Variants in DST observed in about 807,000 individuals in gnomAD.
DST encodes dystonin.
A neutral mutation model predicts 875.2 loss-of-function variants in DST; 253 were observed. The ratio of observed to expected loss-of-function variants is 0.29; its 90% CI spans 0.26 to 0.32. The LOEUF (loss-of-function observed/expected upper bound fraction) is 0.32. Ranked by LOEUF, DST falls within the 10% of genes least tolerant of loss-of-function variation. The pLI is 1.00. For synonymous variants in DST, 3,124 were observed against 3,197.1 expected (o/e 0.98, Z 0.77); for missense variants, 8,287 against 9,111.6 (o/e 0.91, Z 3.68).
At chr6:56,583,258 T>C (rs1394086029) in intron 49 of DST, among the ~76,000 whole-genome samples, 3 of 152,230 alleles carry the variant, frequency 2.0e-5, no homozygotes, top group Non-Finnish European at 2.9e-5. Context: ...CCAGCACCTG[T>C]TGTTTCCTGA....
intron 4 of DST, among the ~76,000 whole-genome samples, chr6:56,789,047 T>C (rs1460850303): frequency 6.6e-6 from 1 of 152,194 alleles, no homozygotes; most frequent in East Asian, 1.9e-4. Context: ...TATTTGTATT[T>C]TATAACCATT....
chr6:56,632,776 G>A (rs1186072103), intron 28 of DST, 78 bp downstream of exon 28: 1 of 1,167,366 alleles, frequency 8.6e-7, no homozygotes, highest in Non-Finnish European at 1.3e-6. Context: ...ACCTAAGATT[G>A]AGATTCCCAT....
chr6:56,470,321 G>C, intron 95 of DST, 39 bp from the exon 96 acceptor site: 2 of 1,513,440 alleles, frequency 1.3e-6, no homozygotes, highest in South Asian at 2.6e-5. Context: ...TGACTTGTTA[G>C]TTCTTTCTCA....
intron 3 of DST, among the ~76,000 whole-genome samples, chr6:56,880,837 C>CTTTTTT (rs765843469): frequency 1.9e-4 from 11 of 58,080 alleles, no homozygotes; most frequent in Non-Finnish European, 2.3e-4. Context: ...TACTGTCTTT[C>CTTTTTT]TTTTTTTTTT....
chr6:56,478,557 T>C (rs747868384), intron 90 of DST, among the ~76,000 whole-genome samples: 10 of 152,212 alleles, frequency 6.6e-5, no homozygotes, highest in Admixed American at 2.0e-4. Context: ...ATCAGAACTA[T>C]ATCCATAGAT....
intron 2 of DST, among the ~76,000 whole-genome samples, chr6:56,918,326 C>T (rs558021734): frequency 7.2e-5 from 11 of 152,104 alleles, no homozygotes; most frequent in Admixed American, 6.5e-4. Context: ...AGGGTTTCGC[C>T]ATGTTGGTCA....
intron 9 of DST, among the ~76,000 whole-genome samples, chr6:56,686,268 A>G (rs2099186449): frequency 6.6e-6 from 1 of 152,240 alleles, no homozygotes; most frequent in South Asian, 2.1e-4. Flanking sequence ...ACAGATACAG[A>G]GACGGAACAA....
At chr6:56,721,578 G>A (rs1300376778) in intron 5 of DST, among the ~76,000 whole-genome samples, 1 of 152,158 alleles carries the variant, frequency 6.6e-6, no homozygotes, top group Non-Finnish European at 1.5e-5. Flanking sequence ...CTCCGTTTGG[G>A]GTCCCTGACT....
chr6:56,566,085 G>A (rs1009265504), intron 55 of DST, among the ~76,000 whole-genome samples: 1 of 152,182 alleles, frequency 6.6e-6, no homozygotes, highest in African/African-American at 2.4e-5. Flanking sequence ...GCAGACTGCT[G>A]TGCTGGCAGT....
intron 3 of DST, among the ~76,000 whole-genome samples, chr6:56,857,886 G>C (rs1768789221): frequency 6.6e-6 from 1 of 152,162 alleles, no homozygotes; most frequent in African/African-American, 2.4e-5. Context: ...CAAATAAATA[G>C]ATGTAGAAGA....
intron 47 of DST, among the ~76,000 whole-genome samples, chr6:56,594,903 C>G (rs1449063844): frequency 2.0e-5 from 3 of 152,198 alleles, no homozygotes; most frequent in African/African-American, 7.2e-5. Context: ...AAATTCAAAT[C>G]CACTCTGAAG....
intron 39 of DST, 28 bp downstream of exon 39, chr6:56,610,399 A>G: frequency 2.7e-6 from 4 of 1,504,216 alleles, no homozygotes; most frequent in Non-Finnish European, 3.6e-6. Context: ...TTCTTGAAAC[A>G]GCCTCATGTT....
intron 74 of DST, 79 bp from the exon 75 acceptor site, chr6:56,508,834 GA>G: frequency 8.6e-7 from 1 of 1,160,182 alleles, no homozygotes; most frequent in Non-Finnish European, 1.2e-6. Flanking sequence ...AGTTCACACA[GA>G]AAGTAGTGAT....
intron 3 of DST, among the ~76,000 whole-genome samples, chr6:56,879,529 A>AATTATAGTT (rs1781095849): frequency 6.6e-6 from 1 of 152,176 alleles, no homozygotes. Flanking sequence ...TAGGTTTATT[A>AATTATAGTT]ATTATAGTTA....
At chr6:56,470,559 A>G (rs2094833812) in intron 95 of DST, among the ~76,000 whole-genome samples, 1 of 152,160 alleles carries the variant, frequency 6.6e-6, no homozygotes, top group South Asian at 2.1e-4. Context: ...ATTGCTAGTC[A>G]AAGAATAAAT....
At chr6:56,596,410 C>T (rs185256791) in intron 47 of DST, among the ~76,000 whole-genome samples, 8 of 152,306 alleles carry the variant, frequency 5.3e-5, no homozygotes, top group Non-Finnish European at 1.5e-5. Context: ...GTGCCTAAAA[C>T]CAAGGGCTTT....
intron 4 of DST, among the ~76,000 whole-genome samples, chr6:56,809,582 T>C (rs1048316391): frequency 6.6e-6 from 1 of 152,094 alleles, no homozygotes; most frequent in African/African-American, 2.4e-5. Context: ...AAAGAAAAAA[T>C]GTAAAGCATT....
intron 10 of DST, among the ~76,000 whole-genome samples, chr6:56,655,147 C>T (rs1239366001): frequency 1.3e-4 from 17 of 127,968 alleles, no homozygotes; most frequent in African/African-American, 2.2e-4. Context: ...GGTGACAGAG[C>T]GAGACTTTGC....
At chr6:56,697,574 T>A (rs1020620815) in intron 9 of DST, among the ~76,000 whole-genome samples, 5 of 152,130 alleles carry the variant, frequency 3.3e-5, no homozygotes, top group Non-Finnish European at 7.4e-5. Flanking sequence ...CATTTTTTTT[T>A]AAGCTCAAAG....
Sources: allele counts gnomAD v4.1 joint callset (sites outside exome capture counted in the v4.1 genomes callset), GRCh38; gene constraint gnomAD v4.1.1; transcripts MANE v1.5; gene names NCBI Gene and HGNC (gene_info 2026-07-23, HGNC 2026-07-21).